NUP205: variants seen among roughly 807,000 people sequenced by gnomAD.
The protein encoded by NUP205 is nucleoporin 205.
In NUP205, 76 loss-of-function variants were observed where a neutral mutation model predicts 253.8. That is an observed-to-expected ratio of 0.30 (90% confidence interval 0.25 to 0.36). The LOEUF (loss-of-function observed/expected upper bound fraction) is 0.36, where lower values mean the gene tolerates loss of function less well. NUP205 is among the 10% of genes least tolerant of loss of function. The pLI is 1.00. For synonymous variants in NUP205, 832 were observed against 850.1 expected (o/e 0.98, Z 0.37); for missense variants, 2,162 against 2,425.5 (o/e 0.89, Z 2.28).
intron 1 of NUP205, among the ~76,000 whole-genome samples, chr7:135,569,381 A>G (rs1007549595): frequency 2.7e-4 from 41 of 152,294 alleles, no homozygotes; most frequent in African/African-American, 9.1e-4. Flanking sequence ...CCTTAGTACT[A>G]TTTTTGAAAT....
At chr7:135,625,814 C>T (rs779640401) in intron 32 of NUP205, among the ~76,000 whole-genome samples, 13 of 152,238 alleles carry the variant, frequency 8.5e-5, no homozygotes, top group Non-Finnish European at 1.6e-4. Flanking sequence ...ACAAATGTTA[C>T]GATAATAGAA....
chr7:135,573,843 T>G lies in NUP205; in HGVS notation c.343+18T>G. On this transcript the variant is annotated intron_variant, in intron 3 of 42. Transcript: ENST00000285968. ...TCTTGCTGGTAGGTTGACATTTAAC[T>G]GAAACAGTGGTAAAATAATGCAAAA... The G allele has an allele frequency of 6.9e-6, 11 of 1,591,488 alleles. No individual in the cohort carries two copies. The highest frequency in any genetic ancestry group is 9.4e-6 in the Non-Finnish European group (11 of 1,166,900).
Position 135,619,775 on chromosome 7 carries a change from TC to T in NUP205, c.4232-13del. The T allele has an allele frequency of 6.2e-7, 1 of 1,601,916 alleles. No homozygotes were observed. ...GAGAAAAGATTTTCATTTGACATCT[TC>T]CTAATCTCCCTAGGTGGTGGATTCC... On this transcript the variant is annotated splice_polypyrimidine_tract_variant and intron_variant, in intron 29 of 42. Coordinates refer to ENST00000285968, the MANE Select transcript of NUP205 (RefSeq NM_015135.3).
rs563305564 is a variant in NUP205, at chr7:135,579,285, C to G, written c.1042+370C>G. On this transcript the variant is annotated intron_variant, in intron 7 of 42. Coordinates refer to ENST00000285968, the MANE Select transcript of NUP205 (RefSeq NM_015135.3). ...TCTCGGCTCACTGCAACCTCTGCCC[C>G]CCGGGTTCAAGCGATTCTCCTGCCT... Among the ~76,000 whole-genome samples, 7 of 151,678 alleles carry G rather than the reference C, an allele frequency of 4.6e-5. 1 individual carries two copies. The East Asian group carries it at 1.4e-3, about 30-fold the overall frequency.
At chr7:135,594,090 GTA>G (rs1316592194) in intron 12 of NUP205, among the ~76,000 whole-genome samples, 11 of 151,954 alleles carry the variant, frequency 7.2e-5, no homozygotes, top group Admixed American at 6.6e-5. Flanking sequence ...CTATAAATAT[GTA>G]TAGTTATTAC....
intron 1 of NUP205, among the ~76,000 whole-genome samples, chr7:135,568,353 GAC>G (rs2129489636): frequency 6.6e-6 from 1 of 151,360 alleles, no homozygotes; most frequent in South Asian, 2.1e-4. Context: ...TTGTTGTTGA[GAC>G]AGAGTCTCAC....
intron 1 of NUP205, among the ~76,000 whole-genome samples, chr7:135,565,462 C>T (rs898388006): frequency 1.3e-5 from 2 of 148,202 alleles, no homozygotes; most frequent in African/African-American, 2.5e-5. Flanking sequence ...GATGGAGTTT[C>T]GCTATTGTTG....
At chr7:135,584,442 G>A (rs61349050) in intron 7 of NUP205, among the ~76,000 whole-genome samples, 207 of 152,220 alleles carry the variant, frequency 1.4e-3, no homozygotes, top group African/African-American at 4.8e-3. Context: ...TCAGGTTTTG[G>A]TCTTGGATTG....
chr7:135,570,678 T>TTAATTATATTAATATA (rs1805938210), intron 1 of NUP205, among the ~76,000 whole-genome samples: 3 of 96,482 alleles, frequency 3.1e-5, no homozygotes, highest in Non-Finnish European at 5.9e-5. Context: ...AATTAATATA[T>TTAATTATATTAATATA]ATTAATTATA....
chr7:135,632,260 A>G (rs1448975490), intron 35 of NUP205, among the ~76,000 whole-genome samples: 2 of 152,158 alleles, frequency 1.3e-5, no homozygotes, highest in Non-Finnish European at 1.5e-5. Flanking sequence ...TGTTTTAAAT[A>G]CTTGACATGT....
chr7:135,599,155 A>T (rs1441153263), intron 15 of NUP205, among the ~76,000 whole-genome samples: 1 of 152,244 alleles, frequency 6.6e-6, no homozygotes, highest in East Asian at 1.9e-4. Flanking sequence ...AACAATTGAG[A>T]TAATTAGTTA....
At chr7:135,582,657 G>T (rs188229354) in intron 7 of NUP205, among the ~76,000 whole-genome samples, 28 of 152,084 alleles carry the variant, frequency 1.8e-4, no homozygotes, top group Middle Eastern at 6.8e-3. Flanking sequence ...TAGAGATGAG[G>T]TCTCACTATG....
chr7:135,615,769 TAC>T, intron 23 of NUP205, 145 bp from the exon 24 acceptor site: 1 of 462,642 alleles, frequency 2.2e-6, no homozygotes, highest in African/African-American at 2.0e-5. Flanking sequence ...CTTGTAATTT[TAC>T]AGAGTGAGAA....
At chr7:135,586,970 A>G (rs1380727676) in intron 8 of NUP205, among the ~76,000 whole-genome samples, 1 of 151,486 alleles carries the variant, frequency 6.6e-6, no homozygotes, top group Non-Finnish European at 1.5e-5. Flanking sequence ...CCATATCCTT[A>G]CTGATTTTCT....
Position 135,645,466 on chromosome 7 carries a change from A to C in NUP205, c.5684-2A>C. The C allele has an allele frequency of 6.2e-7, 1 of 1,612,796 alleles. No homozygotes were observed. The highest frequency in any genetic ancestry group is 8.5e-7 in the Non-Finnish European group (1 of 1,179,542). On this transcript the variant is annotated splice_acceptor_variant, in intron 40 of 42. Transcript: ENST00000285968. LOFTEE classifies it high-confidence loss of function. ...GTTCCTTTAATCTGAGCTCTGGTAT[A>C]GTTATCATAGAGACCTGCCTATTTA... is the stretch of plus-strand genomic sequence containing the variant.
At chr7:135,585,300 A>C (rs1020090142) in intron 8 of NUP205, among the ~76,000 whole-genome samples, 5 of 152,138 alleles carry the variant, frequency 3.3e-5, no homozygotes, top group African/African-American at 1.2e-4. Context: ...GTACACCTGA[A>C]GGGAAGACAT....
intron 36 of NUP205, among the ~76,000 whole-genome samples, chr7:135,637,693 T>C (rs1017303573): frequency 1.3e-5 from 2 of 152,232 alleles, no homozygotes; most frequent in African/African-American, 4.8e-5. Flanking sequence ...TAGATGATAC[T>C]GGGATTTATT....
chr7:135,608,201 T>C lies in NUP205; in HGVS notation c.3195+830T>C, dbSNP rs185671297. Among the ~76,000 whole-genome samples, 38 of 152,036 alleles carry C rather than the reference T, an allele frequency of 2.5e-4. No individual in the cohort carries two copies. The East Asian group carries it at 7.2e-3, about 29-fold the overall frequency. On this transcript the variant is annotated intron_variant, in intron 22 of 42. Coordinates refer to ENST00000285968, the MANE Select transcript of NUP205 (RefSeq NM_015135.3). Reference sequence around the variant, plus strand: ...CCACCATGCCCAGCTAATTTTTGTATTTTTAGTAGAGACAGGGTTTCATCA... The same window carrying C: ...CCACCATGCCCAGCTAATTTTTGTACTTTTAGTAGAGACAGGGTTTCATCA...
At chr7:135,561,644 C>T (rs1805582303) in intron 1 of NUP205, among the ~76,000 whole-genome samples, 1 of 152,218 alleles carries the variant, frequency 6.6e-6, no homozygotes, top group African/African-American at 2.4e-5. Context: ...TTTATTCACT[C>T]TCAAACCTAC....
Sources: gnomAD v4.1 joint callset for allele counts (sites outside exome capture counted in the v4.1 genomes callset) on GRCh38, gnomAD v4.1.1 for gene constraint, MANE v1.5 for transcripts, NCBI Gene and HGNC (gene_info 2026-07-23, HGNC 2026-07-21) for gene names.